CHRNA3: variants seen among roughly 807,000 people sequenced by gnomAD.
The protein encoded by CHRNA3 is cholinergic receptor nicotinic alpha 3 subunit.
In CHRNA3, 34 loss-of-function variants were observed where a neutral mutation model predicts 41.9. The ratio of observed to expected loss-of-function variants is 0.81; its 90% CI spans 0.62 to 1.08. The LOEUF (loss-of-function observed/expected upper bound fraction) is 1.08. Ranked by LOEUF, CHRNA3 falls within the 50% of genes least tolerant of loss-of-function variation. The pLI, the probability that CHRNA3 is intolerant of heterozygous loss-of-function variation, is 0.00. For synonymous variants in CHRNA3, 281 were observed against 265.2 expected (o/e 1.06, Z -0.58); for missense variants, 542 against 638.3 (o/e 0.85, Z 1.63).
At position 78,596,518 on chromosome 15, in the gene CHRNA3, A is replaced by G. The variant is rs938633661; in HGVS notation, c.*86T>C. The G allele has an allele frequency of 8.9e-6, 12 of 1,354,688 alleles. No individual in the cohort carries two copies. The African/African-American group carries it at 1.8e-4, about 20-fold the overall frequency. The allele number at this position is 1,354,688 out of a possible 1,614,324, so 83.9% of individuals were successfully genotyped here. A position where few individuals can be genotyped will look rare whatever the true frequency, so the allele number is the denominator to read the frequency against. On this transcript the variant is annotated 3_prime_UTR_variant, in exon 6 of 6. Transcript: ENST00000326828. The stretch of plus-strand genomic sequence containing the variant: ...TGCCAAAAACAAAGCTGGTAGCTTG[A>G]TAACAGAAAGTACGTTCTTACTAGG...
chr15:78,607,420 G>A (rs561524817), intron 4 of CHRNA3: 1 of 151,322 alleles, frequency 6.6e-6, no homozygotes, highest in South Asian at 2.1e-4. Flanking sequence ...CAGGAGAAAG[G>A]CTGGGAATGA....
At chr15:78,593,367 T>A, downstream of CHRNA3, 1 of 1,057,214 alleles carries the variant, frequency 9.5e-7, no homozygotes, top group African/African-American at 1.6e-5. Flanking sequence ...TTTAACAGAC[T>A]AAGTTGCTAA....
chr15:78,611,654 C>T lies in CHRNA3; in HGVS notation c.377+5370G>A, dbSNP rs193089412. On this transcript the variant is annotated intron_variant, in intron 4 of 5. Transcript: ENST00000326828. Reference sequence around the variant, plus strand: ...AAACTGGAAGCATTCCTTTTGAAAACGGGCACAAGACAGGGATGCCCTCTC... The same window carrying T: ...AAACTGGAAGCATTCCTTTTGAAAATGGGCACAAGACAGGGATGCCCTCTC... Among the ~76,000 whole-genome samples the T allele has an allele frequency of 5.7e-3, 858 of 151,734 alleles. 4 individuals carry two copies. Among genetic ancestry groups the T allele is most frequent in the Middle Eastern group, 0.024 (7 of 294 alleles).
intron 5 of CHRNA3, 100 bp from the exon 6 acceptor site, chr15:78,596,832 A>C: frequency 5.5e-6 from 8 of 1,455,434 alleles, no homozygotes; most frequent in Non-Finnish European, 7.2e-6. Context: ...AGTAGAAGCC[A>C]TTTTGTCTCT....
chr15:78,602,405 C>T, intron 4 of CHRNA3, 141 bp from the exon 5 acceptor site: 1 of 945,760 alleles, frequency 1.1e-6, no homozygotes, highest in Non-Finnish European at 1.5e-6. Flanking sequence ...AAAAGGTCAC[C>T]CATTTCCTGG....
intron 4 of CHRNA3, among the ~76,000 whole-genome samples, chr15:78,614,687 A>G (rs1200502374): frequency 2.6e-5 from 4 of 152,212 alleles, no homozygotes; most frequent in Non-Finnish European, 5.9e-5. Flanking sequence ...TTCTACATCA[A>G]CTGTTTTGCT....
intron 4 of CHRNA3, among the ~76,000 whole-genome samples, chr15:78,606,777 T>TA (rs1339641753): frequency 6.6e-6 from 1 of 152,034 alleles, no homozygotes; most frequent in Non-Finnish European, 1.5e-5. Context: ...TGGGCACCTG[T>TA]AGTCCCAGCT....
Position 78,602,122 on chromosome 15 carries a change from TAC to T in CHRNA3, c.518_519del (p.Cys173TyrfsTer11). On this transcript the variant is annotated frameshift_variant, in exon 5 of 6. Coordinates refer to ENST00000326828, the MANE Select transcript of CHRNA3 (RefSeq NM_000743.5). LOFTEE classifies it high-confidence loss of function. ...TAGGACCAGGAACCGAACTTCATGG[TAC>T]AGTTTTGGTAATCAAACGGGAAGTA... Reference protein sequence around the residue: ...VTYFPFDYQNCTMKFGSWSYD... With the variant: ...VTYFPFDYQNXTMKFGSWSYD... 1 of 1,614,108 alleles carries T rather than the reference TAC, an allele frequency of 6.2e-7. No individual in the cohort carries two copies. Among genetic ancestry groups the T allele is most frequent in the Non-Finnish European group, 8.5e-7 (1 of 1,180,032 alleles).
At position 78,601,835 on chromosome 15, in the gene CHRNA3, G is replaced by T; in HGVS notation, c.807C>A (p.Cys269Ter). 6.2e-7 allele frequency: 1 copy of T among 1,614,084 alleles called. No individual in the cohort carries two copies. Among genetic ancestry groups the T allele is most frequent in the Non-Finnish European group, 8.5e-7 (1 of 1,180,018 alleles). The change falls in exon 5 of 6, where the codon TGC (cysteine) becomes TGA (stop). Residue 269 changes from cysteine (C) to a stop codon, truncating the protein, a stop_gained. Coordinates refer to ENST00000326828, the MANE Select transcript of CHRNA3 (RefSeq NM_000743.5). LOFTEE classifies it high-confidence loss of function. ...AAATGCACAGGGTCACCTTCTCACC[G>T]CAGTCGGAGGGCAGGTAGAAGACGA... ...TVLVFYLPSD[C>*]GEKVTLCISV...
At chr15:78,620,666 C>A in intron 1 of CHRNA3, 47 bp downstream of exon 1, 1 of 1,497,072 alleles carries the variant, frequency 6.7e-7, no homozygotes, top group Non-Finnish European at 8.8e-7. Context: ...CCCCGCGCCC[C>A]TTCTCGGGCG....
chr15:78,595,535 A>C lies in CHRNA3; in HGVS notation c.*1069T>G, dbSNP rs1276767972. On this transcript the variant is annotated 3_prime_UTR_variant, in exon 6 of 6. Coordinates refer to ENST00000326828, the MANE Select transcript of CHRNA3 (RefSeq NM_000743.5). The stretch of plus-strand genomic sequence containing the variant: ...TTCTTGGTTATCATAACTGGTGAAG[A>C]AGCAAGGTATGTCATTGGCATCTAG... 1 of 352,452 alleles carries C rather than the reference A, an allele frequency of 2.8e-6. No homozygotes were observed. Among genetic ancestry groups the C allele is most frequent in the Non-Finnish European group, 4.0e-6 (1 of 251,814 alleles). 21.8% of individuals were successfully genotyped at this position (352,452 alleles called of 1,614,324 possible).
At chr15:78,617,170 A>G in intron 3 of CHRNA3, 37 bp from the exon 4 acceptor site, 6 of 1,428,176 alleles carry the variant, frequency 4.2e-6, no homozygotes, top group Non-Finnish European at 5.9e-6. Flanking sequence ...AGGAGACGGT[A>G]AAAGAATCAG....
downstream of CHRNA3, chr15:78,593,210 C>A (rs1159678265): frequency 1.2e-6 from 2 of 1,613,132 alleles, no homozygotes; most frequent in Non-Finnish European, 1.7e-6. Context: ...TATAAATGGG[C>A]AAATATATTA....
intron 3 of CHRNA3, among the ~76,000 whole-genome samples, chr15:78,617,400 G>A (rs934986794): frequency 9.2e-5 from 14 of 152,088 alleles, no homozygotes; most frequent in Non-Finnish European, 2.1e-4. Context: ...ACCAAACAGG[G>A]CCTACTCGTG....
intron 4 of CHRNA3, among the ~76,000 whole-genome samples, chr15:78,610,674 G>T (rs1257798380): frequency 1.3e-5 from 2 of 151,444 alleles, no homozygotes; most frequent in East Asian, 3.9e-4. Context: ...AACTAGAAAA[G>T]CAAGAGCAAA....
chr15:78,605,654 T>C (rs1033341485), intron 4 of CHRNA3, among the ~76,000 whole-genome samples: 4 of 152,208 alleles, frequency 2.6e-5, no homozygotes, highest in African/African-American at 9.7e-5. Context: ...AGTGCTGACG[T>C]GGGCTCTTGA....
At chr15:78,609,990 A>T (rs538535565) in intron 4 of CHRNA3, among the ~76,000 whole-genome samples, 16 of 152,358 alleles carry the variant, frequency 1.1e-4, no homozygotes, top group Admixed American at 2.6e-4. Flanking sequence ...AGGCCATTAC[A>T]TAATGGTAAA....
chr15:78,600,841 C>G (rs564392461), intron 5 of CHRNA3, among the ~76,000 whole-genome samples: 131 of 152,152 alleles, frequency 8.6e-4, no homozygotes, highest in Non-Finnish European at 1.6e-3. Flanking sequence ...GCACTCCAGC[C>G]TGGGCAACAG....
chr15:78,608,406 C>G (rs1260015535), intron 4 of CHRNA3, among the ~76,000 whole-genome samples: 1 of 152,180 alleles, frequency 6.6e-6, no homozygotes, highest in East Asian at 1.9e-4. Context: ...TGTGGGTCAC[C>G]AAGATCCACT....
Sources: allele counts gnomAD v4.1 joint callset (sites outside exome capture counted in the v4.1 genomes callset), GRCh38; gene constraint gnomAD v4.1.1; transcripts MANE v1.5; gene names NCBI Gene and HGNC (gene_info 2026-07-23, HGNC 2026-07-21).